Variants in SLC35F3 observed in about 807,000 individuals in gnomAD.
SLC35F3 encodes solute carrier family 35 member F3.
SLC35F3 carries 25 observed loss-of-function variants against 49.9 expected under a neutral mutation model. The ratio of observed to expected loss-of-function variants is 0.50; its 90% CI spans 0.37 to 0.70. SLC35F3 has a LOEUF of 0.70. SLC35F3 is among the 30% of genes least tolerant of loss of function. The pLI is 0.00. For missense variants in SLC35F3, 525 were observed against 639.8 expected (o/e 0.82, Z 1.94); for synonymous variants, 275 against 265.4 (o/e 1.04, Z -0.35).
intron 2 of SLC35F3, among the ~76,000 whole-genome samples, chr1:234,018,400 C>T (rs1663838023): frequency 6.6e-6 from 1 of 152,196 alleles, no homozygotes; most frequent in Non-Finnish European, 1.5e-5. Context: ...ATACAGGAAA[C>T]AGTAGGGGAA....
chr1:234,021,297 G>A (rs1021709261), intron 2 of SLC35F3, among the ~76,000 whole-genome samples: 3 of 152,080 alleles, frequency 2.0e-5, no homozygotes, highest in Non-Finnish European at 4.4e-5. Context: ...AGGCAGTGGG[G>A]GAAACCAAAG....
chr1:234,285,665 C>T (rs1049094165), intron 3 of SLC35F3: 3 of 235,862 alleles, frequency 1.3e-5, no homozygotes, highest in Admixed American at 5.2e-5. Context: ...AACTGAAAAA[C>T]ATTAATTAGT....
chr1:233,907,944 T>G (rs1369410651), intron 2 of SLC35F3, among the ~76,000 whole-genome samples: 1 of 152,232 alleles, frequency 6.6e-6, no homozygotes, highest in African/African-American at 2.4e-5. Flanking sequence ...CAGGCTGGTC[T>G]TGAACTCCTG....
At chr1:233,989,054 T>C (rs1347497257) in intron 2 of SLC35F3, among the ~76,000 whole-genome samples, 1 of 152,232 alleles carries the variant, frequency 6.6e-6, no homozygotes, top group African/African-American at 2.4e-5. Context: ...TAATTTTTCA[T>C]GTTTGATGCT....
chr1:233,965,106 T>A (rs1662881340), intron 2 of SLC35F3, among the ~76,000 whole-genome samples: 1 of 152,200 alleles, frequency 6.6e-6, no homozygotes, highest in Non-Finnish European at 1.5e-5. Context: ...CCTTTTAAAA[T>A]TCCTATTTCA....
intron 3 of SLC35F3, among the ~76,000 whole-genome samples, chr1:234,266,873 G>GTTTTTTTTTTTTTTT (rs34040004): frequency 1.8e-5 from 2 of 108,646 alleles, no homozygotes; most frequent in Non-Finnish European, 1.8e-5. Flanking sequence ...GAAGCACATG[G>GTTTTTTTTTTTTTTT]TTTTTTTTTT....
chr1:234,114,604 T>G (rs1665457469), intron 2 of SLC35F3, among the ~76,000 whole-genome samples: 1 of 152,224 alleles, frequency 6.6e-6, no homozygotes, highest in East Asian at 1.9e-4. Context: ...AAGAATGTCT[T>G]TGTTTGCTGA....
chr1:233,918,831 T>C (rs1662015248), intron 2 of SLC35F3, among the ~76,000 whole-genome samples: 1 of 151,590 alleles, frequency 6.6e-6, no homozygotes, highest in South Asian at 2.1e-4. Context: ...TATATATATA[T>C]ATATTTGTGT....
intron 3 of SLC35F3, among the ~76,000 whole-genome samples, chr1:234,238,187 T>A (rs1667503865): frequency 1.3e-5 from 2 of 152,220 alleles, no homozygotes; most frequent in Non-Finnish European, 2.9e-5. Context: ...TGGTGGTGAA[T>A]AATGGCAATT....
At chr1:234,299,922 A>G (rs503480) in intron 3 of SLC35F3, among the ~76,000 whole-genome samples, 117,378 of 151,792 alleles carry the variant, frequency 0.77, 46,139 homozygotes, top group African/African-American at 0.93. Flanking sequence ...GAAAGAAAAC[A>G]GAGAAAGAGA....
chr1:234,152,081 G>T (rs1201905076), intron 2 of SLC35F3, among the ~76,000 whole-genome samples: 2 of 149,086 alleles, frequency 1.3e-5, no homozygotes, highest in Admixed American at 6.8e-5. Flanking sequence ...TTCTTGTAAA[G>T]TTATGGGAGT....
At chr1:233,955,516 T>G (rs1031498322) in intron 2 of SLC35F3, among the ~76,000 whole-genome samples, 2 of 152,138 alleles carry the variant, frequency 1.3e-5, no homozygotes, top group Non-Finnish European at 2.9e-5. Context: ...TCTGTGACAT[T>G]TGTGGGCTTG....
chr1:234,268,115 G>C (rs1668027325), intron 3 of SLC35F3, among the ~76,000 whole-genome samples: 1 of 152,020 alleles, frequency 6.6e-6, no homozygotes, highest in Non-Finnish European at 1.5e-5. Context: ...GCTGGGAGGT[G>C]GAGGTTGTAG....
chr1:234,005,908 A>T (rs919791602), intron 2 of SLC35F3, among the ~76,000 whole-genome samples: 2 of 152,082 alleles, frequency 1.3e-5, no homozygotes, highest in African/African-American at 4.8e-5. Context: ...CTCTGCTGCC[A>T]CCCCAATCTC....
chr1:234,009,285 ACT>A (rs953239819), intron 2 of SLC35F3, among the ~76,000 whole-genome samples: 2 of 152,082 alleles, frequency 1.3e-5, no homozygotes, highest in African/African-American at 4.8e-5. Flanking sequence ...GCCACTGGCA[ACT>A]CTGTGTTTGA....
chr1:234,148,074 C>T (rs1666024089), intron 2 of SLC35F3, among the ~76,000 whole-genome samples: 2 of 152,218 alleles, frequency 1.3e-5, no homozygotes, highest in African/African-American at 4.8e-5. Context: ...CTGATCAGCA[C>T]TCACTGGTCT....
chr1:234,157,153 G>T (rs993778687), intron 2 of SLC35F3, among the ~76,000 whole-genome samples: 1 of 152,138 alleles, frequency 6.6e-6, no homozygotes, highest in African/African-American at 2.4e-5. Context: ...TTTTTAAGAT[G>T]TTCAGAATGA....
At position 233,969,383 on chromosome 1, in the gene SLC35F3, G is replaced by A. The variant is rs563357225; in HGVS notation, c.283+63625G>A. ...TGTGATCATCAGGAGGTGCAGCTCT[G>A]GGGGCTGCCATCTGCGGTGCCTCCT... On this transcript the variant is annotated intron_variant, in intron 2 of 7. Transcript: ENST00000366618. Among the ~76,000 whole-genome samples the A allele has an allele frequency of 1.5e-3, 235 of 152,298 alleles. 1 individual carries two copies. Among genetic ancestry groups the A allele is most frequent in the African/African-American group, 5.1e-3 (214 of 41,564 alleles).
intron 2 of SLC35F3, among the ~76,000 whole-genome samples, chr1:234,049,951 T>A (rs960792718): frequency 2.0e-5 from 3 of 152,216 alleles, no homozygotes; most frequent in African/African-American, 7.2e-5. Context: ...TCCATGTCCC[T>A]ACAAAGGACA....
Sources: allele counts gnomAD v4.1 joint callset (sites outside exome capture counted in the v4.1 genomes callset), GRCh38; gene constraint gnomAD v4.1.1; transcripts MANE v1.5; gene names NCBI Gene and HGNC (gene_info 2026-07-23, HGNC 2026-07-21).